The following RTTN variants were observed in gnomAD, a reference collection of about 807,000 sequenced individuals.
RTTN encodes rotatin.
RTTN carries 182 observed loss-of-function variants against 269.2 expected under a neutral mutation model. The observed-to-expected ratio is 0.68, with a 90% confidence interval of 0.60 to 0.76. The LOEUF is 0.76. RTTN is among the 30% of genes least tolerant of loss of function. The pLI, the probability that RTTN is intolerant of heterozygous loss-of-function variation, is 0.00. For synonymous variants in RTTN, 1,006 were observed against 963.5 expected, an observed-to-expected ratio of 1.04 and a Z score of -0.82; for missense variants, 2,545 against 2,608.6, an observed-to-expected ratio of 0.98 and a Z score of 0.53.
At chr18:70,155,748 G>C (rs990574279) in intron 14 of RTTN, among the ~76,000 whole-genome samples, 1 of 152,246 alleles carries the variant, frequency 6.6e-6, no homozygotes, top group Non-Finnish European at 1.5e-5. Context: ...CGAACGGAGG[G>C]ACCGGCTGAA....
In RTTN at chr18:70,134,516, A is replaced by C. The variant is rs759903378; in HGVS notation, c.2911T>G (p.Ser971Ala). 5 of 1,610,832 alleles carry C rather than the reference A, an allele frequency of 3.1e-6. No individual in the cohort carries two copies. Among genetic ancestry groups the C allele is most frequent in the Non-Finnish European group, 4.2e-6 (5 of 1,178,330 alleles). ...GGCAAACTGAAGACCGATGGCAAAG[A>C]AGGTTTATTGGAAGGATTAACAGAC... ...MWSVNPSNKPSLPSVFSLPVS... is the reference protein window; with the variant it reads ...MWSVNPSNKPALPSVFSLPVS... The change falls in exon 23 of 49, where the codon TCT becomes GCT. Residue 971 changes from serine (S) to alanine (A), a missense_variant. Ser to Ala is a moderately conservative substitution (Grantham distance 99). Coordinates refer to ENST00000640769, the MANE Select transcript of RTTN (RefSeq NM_173630.4).
chr18:70,011,988 G>GGGCAGCGTCTGCTCACTGGTATTAGTTAC, intron 46 of RTTN, among the ~76,000 whole-genome samples: 1 of 146,050 alleles, frequency 6.8e-6, no homozygotes, highest in South Asian at 2.3e-4. Context: ...GTATTGGTTA[G>GGGCAGCGTCTGCTCACTGGTATTAGTTAC]AGGGCAGCGT....
chr18:70,088,779 G>T (rs944963718), intron 30 of RTTN, among the ~76,000 whole-genome samples: 7 of 152,086 alleles, frequency 4.6e-5, no homozygotes, highest in African/African-American at 1.4e-4. Flanking sequence ...TCATAAAATT[G>T]TCAAGTAGTA....
intron 3 of RTTN, among the ~76,000 whole-genome samples, chr18:70,203,854 GCAAA>G (rs2062013654): frequency 6.6e-6 from 1 of 152,092 alleles, no homozygotes; most frequent in Non-Finnish European, 1.5e-5. Flanking sequence ...CCTCATAAAA[GCAAA>G]GTCACTGGCA....
chr18:70,177,441 T>A (rs1471537687), intron 10 of RTTN, among the ~76,000 whole-genome samples: 1 of 152,164 alleles, frequency 6.6e-6, no homozygotes, highest in African/African-American at 2.4e-5. Context: ...TTTAAATAAT[T>A]TACTACTTCA....
chr18:70,110,783 C>A (rs551253397), intron 27 of RTTN, among the ~76,000 whole-genome samples: 2 of 152,354 alleles, frequency 1.3e-5, no homozygotes, highest in East Asian at 3.9e-4. Flanking sequence ...CCCACTCCCA[C>A]GGAGCCCAGC....
At chr18:70,065,358 T>C (rs2058105257) in intron 35 of RTTN, among the ~76,000 whole-genome samples, 1 of 151,654 alleles carries the variant, frequency 6.6e-6, no homozygotes. Flanking sequence ...ATTTATATAT[T>C]GCCATTAATA....
chr18:70,064,588 G>A (rs902536812), intron 35 of RTTN, among the ~76,000 whole-genome samples: 3 of 152,092 alleles, frequency 2.0e-5, no homozygotes, highest in African/African-American at 7.2e-5. Flanking sequence ...AGTCACACAA[G>A]ACCATGTTAT....
intron 28 of RTTN, among the ~76,000 whole-genome samples, chr18:70,101,005 T>G (rs138212827): frequency 2.0e-5 from 3 of 152,188 alleles, no homozygotes; most frequent in African/African-American, 7.2e-5. Context: ...ATTTTTGCAC[T>G]GATGTTCATC....
chr18:70,192,895 A>G (rs2061711216), intron 8 of RTTN: 2 of 157,928 alleles, frequency 1.3e-5, no homozygotes, highest in Non-Finnish European at 1.4e-5. Context: ...TTCCGTTTGC[A>G]GCTGGTAAAA....
At chr18:70,133,404 C>T (rs1346993470) in intron 23 of RTTN, among the ~76,000 whole-genome samples, 2 of 152,122 alleles carry the variant, frequency 1.3e-5, no homozygotes, top group Non-Finnish European at 2.9e-5. Flanking sequence ...CATAAATATC[C>T]TATATTCCAA....
intron 26 of RTTN, among the ~76,000 whole-genome samples, chr18:70,120,704 C>T (rs10469106): frequency 0.017 from 2,608 of 152,210 alleles, 64 homozygotes; most frequent in African/African-American, 0.057. Context: ...GTTCTTCACA[C>T]GCTTCTTAGA....
chr18:70,092,073 T>C (rs767831780), intron 30 of RTTN, 37 bp downstream of exon 30: 1 of 1,407,370 alleles, frequency 7.1e-7, no homozygotes, highest in Non-Finnish European at 1.0e-6. Context: ...TGTTTTTTAA[T>C]CTAAACACAA....
At chr18:70,205,384 G>A in intron 1 of RTTN, 69 bp from the exon 2 acceptor site, 1 of 1,578,166 alleles carries the variant, frequency 6.3e-7, no homozygotes, top group Non-Finnish European at 8.7e-7. Flanking sequence ...TATGCTGTGG[G>A]CAGGAGCGGC....
intron 43 of RTTN, 129 bp from the exon 44 acceptor site, chr18:70,024,977 GCC>G: frequency 9.8e-7 from 1 of 1,018,518 alleles, no homozygotes; most frequent in Non-Finnish European, 1.4e-6. Flanking sequence ...TCAGCATCCT[GCC>G]CCAGCCCCAT....
chr18:70,169,463 A>G (rs750598677), intron 11 of RTTN, among the ~76,000 whole-genome samples: 5 of 152,148 alleles, frequency 3.3e-5, no homozygotes, highest in Non-Finnish European at 7.4e-5. Context: ...GATAAACTGA[A>G]GACAAGAACA....
chr18:70,077,010 C>T (rs779195370), intron 32 of RTTN, among the ~76,000 whole-genome samples: 14 of 151,786 alleles, frequency 9.2e-5, no homozygotes, highest in Non-Finnish European at 2.1e-4. Context: ...AAGAGATTTG[C>T]AATAAACTGC....
rs1264393138 is a variant in RTTN, at chr18:70,051,575, G to A, written c.5186-27C>T. ...TATAAAATTAATCAAAACACTTCAA[G>A]TTATTAACACAAAGAAGGAAAAGAA... On this transcript the variant is annotated intron_variant, in intron 38 of 48. Coordinates refer to ENST00000640769, the MANE Select transcript of RTTN (RefSeq NM_173630.4). 17 of 1,530,526 alleles carry A rather than the reference G, an allele frequency of 1.1e-5. No individual in the cohort carries two copies. The Admixed American group carries it at 2.4e-4, about 22-fold the overall frequency. 94.8% of individuals were successfully genotyped at this position (1,530,526 alleles called of 1,614,324 possible).
intron 42 of RTTN, 60 bp downstream of exon 42, chr18:70,029,952 G>T: frequency 8.3e-7 from 1 of 1,198,112 alleles, no homozygotes; most frequent in South Asian, 1.3e-5. Flanking sequence ...TCATTTCTAG[G>T]CACAAGAGGA....
Sources: allele counts gnomAD v4.1 joint callset (sites outside exome capture counted in the v4.1 genomes callset), GRCh38; gene constraint gnomAD v4.1.1; transcripts MANE v1.5; gene names NCBI Gene and HGNC (gene_info 2026-07-23, HGNC 2026-07-21).